Variants in NCKAP1L observed in about 807,000 individuals in gnomAD.
The protein encoded by NCKAP1L is NCK associated protein 1 like, also known as nck-associated protein 1-like.
In NCKAP1L, 53 loss-of-function variants were observed where a neutral mutation model predicts 139.2. The observed-to-expected ratio is 0.38, with a 90% CI of 0.31 to 0.48. NCKAP1L has a LOEUF of 0.48. Ranked by LOEUF, NCKAP1L falls within the 20% of genes least tolerant of loss-of-function variation. The pLI is 0.98. For synonymous variants in NCKAP1L, 468 were observed against 499.7 expected, an observed-to-expected ratio of 0.94 and a Z score of 0.85; for missense variants, 1,151 against 1,381.9, an observed-to-expected ratio of 0.83 and a Z score of 2.65.
rs1956976238 is a variant in NCKAP1L at position 54,520,805 on chromosome 12, T to G, written c.1737T>G (p.Thr579=). Reference sequence around the variant, plus strand: ...TTTGTGCTCACTTTGTCCACTGCACTCATGAGATGTGCCCAGAGGAGGTAG... The same window carrying G: ...TTTGTGCTCACTTTGTCCACTGCACGCATGAGATGTGCCCAGAGGAGGTAG... ...PLICAHFVHC[T]HEMCPEEYPH... The change falls in exon 17 of 31, where the codon ACT becomes ACG. Residue 579 remains threonine (T), a synonymous_variant. Transcript: ENST00000293373. The G allele has an allele frequency of 6.2e-7, 1 of 1,614,010 alleles. No individual in the cohort carries two copies. Among genetic ancestry groups the G allele is most frequent in the Admixed American group, 1.7e-5 (1 of 60,000 alleles).
chr12:54,525,337 C>T (rs554844106), intron 20 of NCKAP1L, among the ~76,000 whole-genome samples: 57 of 152,290 alleles, frequency 3.7e-4, no homozygotes, highest in African/African-American at 1.3e-3. Context: ...ATTTATTTTT[C>T]AATTGAGGTT....
At chr12:54,520,904 A>G (rs1331376264) in intron 17 of NCKAP1L, 78 bp downstream of exon 17, 7 of 1,593,094 alleles carry the variant, frequency 4.4e-6, no homozygotes, top group Non-Finnish European at 8.6e-7. Flanking sequence ...CCAAGGGTTG[A>G]TTTTGGTCCC....
chr12:54,499,355 A>C lies in NCKAP1L; in HGVS notation c.103A>C (p.Thr35Pro). 6.5e-7 allele frequency: 1 copy of C among 1,546,452 alleles called. No homozygotes were observed. Among genetic ancestry groups the C allele is most frequent in the Non-Finnish European group, 8.9e-7 (1 of 1,118,286 alleles). Residue 35 changes from threonine (T) to proline (P), a missense_variant and splice_region_variant, in exon 2 of 31, where the codon ACT (threonine) becomes CCT (proline). Thr to Pro is a conservative substitution (Grantham distance 38). Transcript: ENST00000293373. ...VLIRMYNIKKTCSDPKSKPPF... is the reference protein window; with the variant it reads ...VLIRMYNIKKPCSDPKSKPPF... ...AAATATATATGGTTTCTCTCTGCAG[A>C]CTTGTTCAGACCCCAAATCTAAGCC...
chr12:54,513,327 T>C (rs981047362), intron 9 of NCKAP1L, among the ~76,000 whole-genome samples: 1 of 152,208 alleles, frequency 6.6e-6, no homozygotes, highest in Admixed American at 6.5e-5. Context: ...CTTTGAAATG[T>C]CTGTGGGACA....
At chr12:54,506,061 C>T (rs559635821) in intron 3 of NCKAP1L, among the ~76,000 whole-genome samples, 1 of 152,276 alleles carries the variant, frequency 6.6e-6, no homozygotes, top group South Asian at 2.1e-4. Context: ...AGTTTTAGGC[C>T]ATTATGCGTA....
intron 22 of NCKAP1L, among the ~76,000 whole-genome samples, chr12:54,530,200 T>C (rs1188550394): frequency 6.6e-6 from 1 of 152,242 alleles, no homozygotes; most frequent in Non-Finnish European, 1.5e-5. Flanking sequence ...GAACTCTTAT[T>C]AGCGATATTA....
rs1018901978 is a variant in NCKAP1L at position 54,547,606 on chromosome 12, T to C, written c.*4921T>C. The C allele has an allele frequency of 1.3e-5, 2 of 151,686 alleles. No homozygotes were observed. The highest frequency in any genetic ancestry group is 4.8e-5 in the African/African-American group (2 of 41,260). 9.4% of individuals were successfully genotyped at this position (151,686 alleles called of 1,614,324 possible). On this transcript the variant is annotated 3_prime_UTR_variant, in exon 31 of 31. Coordinates refer to ENST00000293373, the MANE Select transcript of NCKAP1L (RefSeq NM_005337.5). Reference sequence around the variant, plus strand: ...GATGTGACACTGTGTTAACAAGAAATGTTGAGAGAGCCCTCTGGATGTATG... The same window carrying C: ...GATGTGACACTGTGTTAACAAGAAACGTTGAGAGAGCCCTCTGGATGTATG...
intron 22 of NCKAP1L, among the ~76,000 whole-genome samples, chr12:54,529,518 T>A (rs1359516221): frequency 6.6e-6 from 1 of 152,182 alleles, no homozygotes; most frequent in Non-Finnish European, 1.5e-5. Context: ...CCAGTCTTCT[T>A]CTTTGGGGGG....
chr12:54,517,959 T>C, intron 13 of NCKAP1L, 21 bp downstream of exon 13: 1 of 1,613,298 alleles, frequency 6.2e-7, no homozygotes, highest in Non-Finnish European at 8.5e-7. Flanking sequence ...TAATTGATTA[T>C]ACTTTGGAAA....
At chr12:54,535,858 G>T (rs1362877954) in intron 27 of NCKAP1L, among the ~76,000 whole-genome samples, 1 of 152,202 alleles carries the variant, frequency 6.6e-6, no homozygotes. Flanking sequence ...TCCTAGGGTT[G>T]CATTGTACAT....
chr12:54,510,437 C>T (rs1430051876), intron 7 of NCKAP1L: 1 of 357,670 alleles, frequency 2.8e-6, no homozygotes, highest in Admixed American at 3.1e-5. Context: ...GATCCTCCCA[C>T]TTCAGCCTCC....
chr12:54,506,730 G>A (rs1956841484), intron 3 of NCKAP1L, among the ~76,000 whole-genome samples: 2 of 136,818 alleles, frequency 1.5e-5, no homozygotes, highest in South Asian at 2.3e-4. Flanking sequence ...GCCATGCTTG[G>A]CATCATATTT....
Position 54,521,137 on chromosome 12 carries a change from C to A in NCKAP1L, c.1777C>A (p.His593Asn). ...CPEEYPHLKN[H>N]GLHHCNSFLE... ...CCCATAGTACCCCCACCTCAAGAACCATGGTCTTCACCACTGCAACTCCTT... is the reference window on the plus strand; with the variant it reads ...CCCATAGTACCCCCACCTCAAGAACAATGGTCTTCACCACTGCAACTCCTT... Residue 593 changes from histidine (H) to asparagine (N), a missense_variant, in exon 18 of 31, where the codon CAT (histidine) becomes AAT (asparagine). Transcript: ENST00000293373. 1 of 1,614,062 alleles carries A rather than the reference C, an allele frequency of 6.2e-7. No individual in the cohort carries two copies. The highest frequency in any genetic ancestry group is 1.1e-5 in the South Asian group (1 of 91,056).
intron 20 of NCKAP1L, among the ~76,000 whole-genome samples, chr12:54,525,795 T>C (rs1329290291): frequency 1.3e-5 from 2 of 152,168 alleles, no homozygotes; most frequent in Non-Finnish European, 2.9e-5. Flanking sequence ...AAACTACCTC[T>C]TTCCTCTGTG....
At chr12:54,521,423 C>T (rs1193473742) in intron 18 of NCKAP1L, among the ~76,000 whole-genome samples, 185 bp downstream of exon 18, 3 of 152,182 alleles carry the variant, frequency 2.0e-5, no homozygotes, top group Non-Finnish European at 4.4e-5. Context: ...TCAGTCTTTC[C>T]TCCCTTAGGA....
chr12:54,520,546 T>C (rs1388087864), intron 16 of NCKAP1L, 148 bp from the exon 17 acceptor site: 19 of 786,720 alleles, frequency 2.4e-5, no homozygotes, highest in Non-Finnish European at 4.0e-5. Flanking sequence ...GTGGTAAATA[T>C]CGGTAAATGT....
Position 54,506,796 on chromosome 12 carries a change from A to AAAATATATATAT in NCKAP1L, c.307-1056_307-1055insAATATATATATA. On this transcript the variant is annotated intron_variant, in intron 3 of 30. Transcript: ENST00000293373. ...TTTTGGCAACATATTAAAAAAAAAA[A>AAAATATATATAT]ATATATATATATATATATATATATA... Among the ~76,000 whole-genome samples the AAAATATATATAT allele has an allele frequency of 8.4e-3, 427 of 50,576 alleles. 7 individuals carry two copies. Among genetic ancestry groups the AAAATATATATAT allele is most frequent in the African/African-American group, 0.015 (133 of 9,050 alleles). The allele number at this position is 50,576 out of a possible 152,430, so 33.2% of individuals were successfully genotyped here. A position where few individuals can be genotyped will look rare whatever the true frequency, so the allele number is the denominator to read the frequency against.
chr12:54,531,972 T>G, intron 25 of NCKAP1L, 147 bp downstream of exon 25: 1 of 783,988 alleles, frequency 1.3e-6, no homozygotes, highest in Non-Finnish European at 2.0e-6. Flanking sequence ...GGAGAGTAAT[T>G]TGGCAGAGAT....
In NCKAP1L at chr12:54,518,571, C is replaced by T. The variant is rs549786044; in HGVS notation, c.1339-80C>T. 136 of 1,074,152 alleles carry T rather than the reference C, an allele frequency of 1.3e-4. 2 individuals are homozygous for T. Among genetic ancestry groups the T allele is most frequent in the South Asian group, 5.2e-4 (42 of 80,202 alleles). The allele number at this position is 1,074,152 out of a possible 1,614,324, so 66.5% of individuals were successfully genotyped here. A position where few individuals can be genotyped will look rare whatever the true frequency, so the allele number is the denominator to read the frequency against. ...CTTAGCAATTCTTTCTACCTTCATA[C>T]GCTGACTGAGCCTCATGGTCCTAGT... On this transcript the variant is annotated intron_variant, in intron 13 of 30. Transcript: ENST00000293373.
Sources: gnomAD v4.1 joint callset for allele counts (sites outside exome capture counted in the v4.1 genomes callset) on GRCh38, gnomAD v4.1.1 for gene constraint, MANE v1.5 for transcripts, NCBI Gene and HGNC (gene_info 2026-07-23, HGNC 2026-07-21) for gene names.